HMCN1: variants seen among roughly 807,000 people sequenced by gnomAD.
HMCN1 encodes hemicentin 1.
HMCN1 carries 321 observed loss-of-function variants against 625.9 expected under a neutral mutation model. That is an observed-to-expected ratio of 0.51 (90% CI 0.47 to 0.56). The LOEUF is 0.56. HMCN1 is among the 20% of genes least tolerant of loss of function. HMCN1 has a pLI of 0.00. For missense variants in HMCN1, 6,588 were observed against 6,887.3 expected, an observed-to-expected ratio of 0.96 and a Z score of 1.54; for synonymous variants, 2,425 against 2,417.6, an observed-to-expected ratio of 1.00 and a Z score of -0.09.
intron 85 of HMCN1, 86 bp downstream of exon 85, chr1:186,130,783 C>A: frequency 9.0e-7 from 1 of 1,112,034 alleles, no homozygotes; most frequent in South Asian, 1.3e-5. Flanking sequence ...AAACATTTCT[C>A]TTACATTCCT....
At chr1:186,184,692 T>C (rs1281823318) in intron 105 of HMCN1, among the ~76,000 whole-genome samples, 1 of 152,192 alleles carries the variant, frequency 6.6e-6, no homozygotes, top group African/African-American at 2.4e-5. Flanking sequence ...AAGACAGATG[T>C]TTCAAGTATG....
chr1:185,892,515 G>C (rs1381063871), intron 4 of HMCN1, among the ~76,000 whole-genome samples: 1 of 151,904 alleles, frequency 6.6e-6, no homozygotes, highest in African/African-American at 2.4e-5. Context: ...CTGTCTGTTA[G>C]TTTTCCTTCT....
chr1:186,055,718 A>G (rs370408600), intron 45 of HMCN1, 44 bp downstream of exon 45: 6 of 1,584,500 alleles, frequency 3.8e-6, no homozygotes, highest in Non-Finnish European at 5.2e-6. Context: ...TGGCTAACGT[A>G]ATCTAGCATC....
chr1:186,085,648 A>G (rs148766433), intron 57 of HMCN1, among the ~76,000 whole-genome samples: 35 of 152,186 alleles, frequency 2.3e-4, no homozygotes, highest in African/African-American at 8.4e-4. Flanking sequence ...TCTCTTTTGC[A>G]GGGAAAAGAG....
chr1:186,150,174 A>G (rs1650580394), intron 93 of HMCN1, among the ~76,000 whole-genome samples: 1 of 152,226 alleles, frequency 6.6e-6, no homozygotes, highest in Non-Finnish European at 1.5e-5. Context: ...AAAGCAAAGT[A>G]TGATAAAACT....
intron 30 of HMCN1, among the ~76,000 whole-genome samples, chr1:186,008,667 C>T (rs1478326455): frequency 6.6e-6 from 1 of 152,032 alleles, no homozygotes; most frequent in Non-Finnish European, 1.5e-5. Context: ...GTTTTCTCAG[C>T]CTTAAAATGG....
chr1:186,052,504 C>T (rs72718897), intron 42 of HMCN1, among the ~76,000 whole-genome samples: 6,561 of 152,098 alleles, frequency 0.043, 249 homozygotes, highest in Admixed American at 0.12. Context: ...CCCCTTGCCT[C>T]TGTTCTTTAG....
chr1:185,819,907 A>C (rs1325967174), intron 1 of HMCN1, among the ~76,000 whole-genome samples: 2 of 152,196 alleles, frequency 1.3e-5, no homozygotes, highest in African/African-American at 4.8e-5. Flanking sequence ...GTATCATGCC[A>C]TATAGCATGT....
In HMCN1 at chr1:185,964,020, T is replaced by C. The variant is rs1418662956; in HGVS notation, c.2098+125T>C. 26 of 827,712 alleles carry C rather than the reference T, an allele frequency of 3.1e-5. 1 individual carries two copies. In the South Asian group the frequency reaches 4.0e-4, roughly 13 times the overall value. 51.3% of individuals were successfully genotyped at this position (827,712 alleles called of 1,614,324 possible). On this transcript the variant is annotated intron_variant, in intron 13 of 106. Coordinates refer to ENST00000271588, the MANE Select transcript of HMCN1 (RefSeq NM_031935.3). ...ATGGTATTATACTTTATTATTCATTTCACACACTGATTGAAGCAAATATTG... is the reference window on the plus strand; with the variant it reads ...ATGGTATTATACTTTATTATTCATTCCACACACTGATTGAAGCAAATATTG...
chr1:185,907,528 C>T (rs1666164603), intron 4 of HMCN1, among the ~76,000 whole-genome samples: 1 of 151,990 alleles, frequency 6.6e-6, no homozygotes, highest in African/African-American at 2.4e-5. Context: ...CAGATGTAGT[C>T]ACTCATGTTC....
At position 186,125,635 on chromosome 1, in the gene HMCN1, C is replaced by G. The variant is rs1009976344; in HGVS notation, c.12531C>G (p.His4177Gln). The change falls in exon 82 of 107, where the codon CAC (histidine) becomes CAG (glutamine). Residue 4177 changes from histidine to glutamine, a missense_variant. His to Gln is a conservative substitution (Grantham distance 24). Around this residue, in one of 3 missense-constraint regions of HMCN1, gnomAD observed 1,954 missense variants for 2,013.1 expected, o/e 0.97. Transcript: ENST00000271588. ...CCAGGATCAGAAGTACAGAAGGACA[C>G]TACACGGTCAATGAGAATTCACAAG... is the stretch of plus-strand genomic sequence containing the variant. Reference protein sequence around the residue: ...VPPRIRSTEGHYTVNENSQAI... With the variant: ...VPPRIRSTEGQYTVNENSQAI... 1.9e-6 allele frequency: 3 copies of G among 1,613,310 alleles called. No individual in the cohort carries two copies. The Admixed American group carries it at 5.0e-5, about 27-fold the overall frequency.
chr1:186,091,215 G>C (rs1319908187), intron 64 of HMCN1, among the ~76,000 whole-genome samples: 1 of 151,834 alleles, frequency 6.6e-6, no homozygotes, highest in African/African-American at 2.4e-5. Flanking sequence ...TTTTATTCTT[G>C]TAATTTCAGA....
chr1:185,949,257 G>A lies in HMCN1; in HGVS notation c.1829-13261G>A, dbSNP rs189442933. On this transcript the variant is annotated intron_variant, in intron 11 of 106. Transcript: ENST00000271588. ...AGGGCATGTATGAGTAGTTGAGAAC[G>A]GTGAATATGAGTATGACTAGACAGA... 6.1e-4 allele frequency among the ~76,000 whole-genome samples: 92 copies of A among 151,816 alleles called. 1 individual carries two copies. Among genetic ancestry groups the A allele is most frequent in the African/African-American group, 2.1e-3 (85 of 41,198 alleles).
chr1:185,858,566 TATGCCAC>T (rs1662627102), intron 2 of HMCN1, among the ~76,000 whole-genome samples: 1 of 92,860 alleles, frequency 1.1e-5, no homozygotes, highest in Non-Finnish European at 2.0e-5. Flanking sequence ...TATATGCCTA[TATGCCAC>T]CACACCCAGC....
intron 1 of HMCN1, among the ~76,000 whole-genome samples, chr1:185,826,939 G>A (rs1035071535): frequency 5.9e-5 from 9 of 151,936 alleles, no homozygotes; most frequent in Non-Finnish European, 8.8e-5. Context: ...TTGCTTGGGA[G>A]GCCAAGGTGG....
chr1:186,117,044 C>G lies in HMCN1; in HGVS notation c.11612C>G (p.Thr3871Ser). 1 of 1,613,430 alleles carries G rather than the reference C, an allele frequency of 6.2e-7. No homozygotes were observed. The highest frequency in any genetic ancestry group is 8.5e-7 in the Non-Finnish European group (1 of 1,179,480). The change falls in exon 76 of 107, where the codon ACT becomes AGT. Residue 3871 changes from threonine (T) to serine (S), a missense_variant. This residue lies in a region of HMCN1 where 4,628 missense variants were observed against 4,853.1 expected (regional missense o/e 0.95). Coordinates refer to ENST00000271588, the MANE Select transcript of HMCN1 (RefSeq NM_031935.3). The part of the protein sequence containing the change: ...LVIISPSVDD[T>S]ATYECTVTNG... ...ATTATTTCCCCTTCTGTGGATGACA[C>G]TGCAACCTATGAATGTACTGTGACA...
At chr1:186,067,813 A>G in intron 49 of HMCN1, 21 bp from the exon 50 acceptor site, 1 of 1,573,678 alleles carries the variant, frequency 6.4e-7, no homozygotes, top group Non-Finnish European at 8.7e-7. Flanking sequence ...TATTTCTTCA[A>G]CAAATTTTCA....
intron 15 of HMCN1, among the ~76,000 whole-genome samples, chr1:185,973,817 G>A (rs1651003469): frequency 6.6e-6 from 1 of 152,142 alleles, no homozygotes; most frequent in Non-Finnish European, 1.5e-5. Flanking sequence ...TGGCTTGGCA[G>A]TGATTTTATT....
At chr1:186,178,379 C>A (rs1425073215) in intron 103 of HMCN1, 37 bp from the exon 104 acceptor site, 16 of 1,423,768 alleles carry the variant, frequency 1.1e-5, no homozygotes, top group Non-Finnish European at 1.5e-5. Flanking sequence ...ATGTATGTGT[C>A]TTTTTTTTTC....
Sources: gnomAD v4.1 joint callset for allele counts (sites outside exome capture counted in the v4.1 genomes callset) on GRCh38, gnomAD v4.1.1 for gene constraint, gnomAD v4.1.1 regional missense constraint, MANE v1.5 for transcripts, NCBI Gene and HGNC (gene_info 2026-07-23, HGNC 2026-07-21) for gene names.